The following MED13 variants were observed in gnomAD, a reference collection of about 807,000 sequenced individuals.
The protein encoded by MED13 is mediator complex subunit 13.
Under a neutral mutation model 225.2 loss-of-function variants are expected in MED13, and 23 were observed. The ratio of observed to expected loss-of-function variants is 0.10; its 90% CI spans 0.07 to 0.14. MED13 has a LOEUF of 0.14. MED13 is among the 10% of genes least tolerant of loss of function. The pLI is 1.00. For synonymous variants in MED13, 942 were observed against 889.2 expected (o/e 1.06, Z -1.06); for missense variants, 2,197 against 2,594.5 (o/e 0.85, Z 3.33).
chr17:61,997,302 A>G (rs555088636), intron 9 of MED13, among the ~76,000 whole-genome samples: 43 of 152,316 alleles, frequency 2.8e-4, no homozygotes, highest in Non-Finnish European at 5.0e-4. Context: ...TTTATTGCAA[A>G]AACTAAAATC....
intron 2 of MED13, among the ~76,000 whole-genome samples, chr17:62,053,951 A>G (rs951058907): frequency 1.3e-5 from 2 of 152,148 alleles, no homozygotes; most frequent in African/African-American, 4.8e-5. Context: ...TTGGTTTTAT[A>G]TTTTCTCCTA....
At chr17:61,980,097 G>A (rs1428669455) in intron 16 of MED13, among the ~76,000 whole-genome samples, 1 of 152,162 alleles carries the variant, frequency 6.6e-6, no homozygotes, top group African/African-American at 2.4e-5. Flanking sequence ...GCTGAGGCAG[G>A]AGAATTGCTT....
At chr17:61,961,541 AGGT>A in intron 22 of MED13, 44 bp downstream of exon 22, 1 of 1,191,232 alleles carries the variant, frequency 8.4e-7, no homozygotes, top group Non-Finnish European at 1.2e-6. Flanking sequence ...AAAAAAAAAA[AGGT>A]ATGTATAGTC....
Position 61,944,117 on chromosome 17 carries a change from T to C in MED13, c.*2351A>G, listed in dbSNP as rs1336700545. The C allele has an allele frequency of 1.3e-5, 2 of 152,572 alleles. No homozygotes were observed. The allele number at this position is 152,572 out of a possible 1,614,324, so 9.5% of individuals were successfully genotyped here. Reference sequence around the variant, plus strand: ...AATCTTATCAATAAATCCTGTATATTTGGGAACTATTCCCTGATTCCCAAA... The same window carrying C: ...AATCTTATCAATAAATCCTGTATATCTGGGAACTATTCCCTGATTCCCAAA... On this transcript the variant is annotated 3_prime_UTR_variant, in exon 30 of 30. Coordinates refer to ENST00000397786, the MANE Select transcript of MED13 (RefSeq NM_005121.3).
intron 16 of MED13, among the ~76,000 whole-genome samples, chr17:61,979,607 T>TA (rs772502376): frequency 2.0e-4 from 30 of 151,946 alleles, no homozygotes; most frequent in African/African-American, 2.9e-4. Flanking sequence ...ATCTGTCAAT[T>TA]AAAAAAAATT....
At chr17:61,984,490 T>C in intron 14 of MED13, 123 bp from the exon 15 acceptor site, 2 of 967,444 alleles carry the variant, frequency 2.1e-6, no homozygotes, top group Non-Finnish European at 1.5e-6. Flanking sequence ...TACAATTCTA[T>C]TATTTTCTTA....
At chr17:61,952,019 T>C (rs935252352) in intron 27 of MED13, among the ~76,000 whole-genome samples, 3 of 152,116 alleles carry the variant, frequency 2.0e-5, no homozygotes, top group African/African-American at 7.2e-5. Context: ...TGTCTCAGCC[T>C]CCTGAGTAGC....
At chr17:61,956,613 A>C in intron 23 of MED13, 132 bp from the exon 24 acceptor site, 1 of 776,670 alleles carries the variant, frequency 1.3e-6, no homozygotes, top group Middle Eastern at 2.9e-4. Flanking sequence ...ATCTCGGCTC[A>C]CTGCAACCTC....
At chr17:62,062,566 T>C (rs2081046844) in intron 2 of MED13, among the ~76,000 whole-genome samples, 2 of 145,548 alleles carry the variant, frequency 1.4e-5, no homozygotes, top group South Asian at 2.1e-4. Context: ...AATAACAAAA[T>C]ACATGCCTTA....
chr17:61,952,739 T>G (rs1003228594), intron 27 of MED13, among the ~76,000 whole-genome samples: 1 of 152,170 alleles, frequency 6.6e-6, no homozygotes, highest in African/African-American at 2.4e-5. Context: ...CAGGTTCAAG[T>G]GATTCTCTTG....
intron 11 of MED13, among the ~76,000 whole-genome samples, chr17:61,990,126 A>G (rs1009016894): frequency 1.3e-5 from 2 of 152,222 alleles, no homozygotes; most frequent in African/African-American, 4.8e-5. Flanking sequence ...GCCCACATCA[A>G]AAGTTAAATG....
At chr17:62,014,054 C>T (rs1426087689) in intron 8 of MED13, among the ~76,000 whole-genome samples, 1 of 151,822 alleles carries the variant, frequency 6.6e-6, no homozygotes, top group East Asian at 1.9e-4. Flanking sequence ...CCACCAAAAA[C>T]ACAAACAAAC....
At chr17:62,065,011 G>C in intron 1 of MED13, 129 bp downstream of exon 1, 1 of 739,974 alleles carries the variant, frequency 1.4e-6, no homozygotes, top group Non-Finnish European at 2.0e-6. Context: ...GAGCTTCGCA[G>C]GGCGCCGGCT....
chr17:62,027,591 T>A (rs1265164744), intron 8 of MED13, among the ~76,000 whole-genome samples: 1 of 152,082 alleles, frequency 6.6e-6, no homozygotes, highest in Non-Finnish European at 1.5e-5. Flanking sequence ...GGGATCTAAT[T>A]AAACTAAAGA....
At chr17:61,956,222 G>T in intron 24 of MED13, 117 bp downstream of exon 24, 1 of 1,003,074 alleles carries the variant, frequency 1.0e-6, no homozygotes, top group Non-Finnish European at 1.4e-6. Flanking sequence ...AGACATATGT[G>T]GTTCCTTATT....
chr17:62,026,264 A>T (rs1010113675), intron 8 of MED13, among the ~76,000 whole-genome samples: 1 of 152,208 alleles, frequency 6.6e-6, no homozygotes, highest in African/African-American at 2.4e-5. Flanking sequence ...ATTTCTAAAG[A>T]ATTCCACGTT....
At chr17:61,994,980 G>A (rs2080335024) in intron 10 of MED13, among the ~76,000 whole-genome samples, 172 bp downstream of exon 10, 1 of 152,164 alleles carries the variant, frequency 6.6e-6, no homozygotes, top group South Asian at 2.1e-4. Context: ...CCAAGTGCTG[G>A]TATTACAGGC....
chr17:61,987,463 C>T (rs9630736), intron 11 of MED13, among the ~76,000 whole-genome samples: 24,303 of 151,890 alleles, frequency 0.16, 2,395 homozygotes, highest in East Asian at 0.5. Context: ...AAAAAAAAAC[C>T]TGCTACTAAT....
intron 8 of MED13, among the ~76,000 whole-genome samples, chr17:62,021,948 T>C (rs1013157487): frequency 2.0e-5 from 3 of 151,928 alleles, no homozygotes; most frequent in Non-Finnish European, 2.9e-5. Context: ...ACGTGGATCA[T>C]TTGAGGTCAG....
Sources: gnomAD v4.1 joint callset for allele counts (sites outside exome capture counted in the v4.1 genomes callset) on GRCh38, gnomAD v4.1.1 for gene constraint, MANE v1.5 for transcripts, NCBI Gene and HGNC (gene_info 2026-07-23, HGNC 2026-07-21) for gene names.